Variants in SEC24A observed in about 807,000 individuals in gnomAD.
SEC24A encodes protein transport protein Sec24A.
In SEC24A, 93 loss-of-function variants were observed where a neutral mutation model predicts 129.4. The observed-to-expected ratio is 0.72, with a 90% CI of 0.61 to 0.85. The LOEUF is 0.85. Ranked by LOEUF, SEC24A falls within the 40% of genes least tolerant of loss-of-function variation. SEC24A has a pLI of 0.00. For synonymous variants in SEC24A, 460 were observed against 467.3 expected, an observed-to-expected ratio of 0.98 and a Z score of 0.20; for missense variants, 1,264 against 1,307.4, an observed-to-expected ratio of 0.97 and a Z score of 0.51.
At chr5:134,685,525 T>C (rs1246291436) in intron 9 of SEC24A, among the ~76,000 whole-genome samples, 1 of 152,192 alleles carries the variant, frequency 6.6e-6, no homozygotes, top group East Asian at 1.9e-4. Flanking sequence ...CTATTGTATG[T>C]AAGGGAATTG....
upstream of SEC24A, chr5:134,648,712 G>GCGGCTGCTGCGAGCCCGGAGC (rs1479459483): frequency 8.4e-5 from 14 of 165,968 alleles, no homozygotes; most frequent in East Asian, 2.1e-3. Flanking sequence ...CGGCGCGGCG[G>GCGGCTGCTGCGAGCCCGGAGC]CGGCTGCTGC....
chr5:134,662,504 G>A (rs1750508783), intron 2 of SEC24A, among the ~76,000 whole-genome samples: 5 of 152,152 alleles, frequency 3.3e-5, no homozygotes, highest in Non-Finnish European at 2.9e-5. Flanking sequence ...CTTCTCAGCA[G>A]ACAGCCTCAA....
chr5:134,700,223 C>CT (rs1751964323), intron 15 of SEC24A, among the ~76,000 whole-genome samples: 2 of 151,694 alleles, frequency 1.3e-5, no homozygotes, highest in Admixed American at 1.3e-4. Context: ...TCTTCTCTCT[C>CT]TTTTTTCTTT....
intron 15 of SEC24A, among the ~76,000 whole-genome samples, chr5:134,703,507 A>T (rs1310075631): frequency 1.3e-5 from 2 of 152,124 alleles, no homozygotes; most frequent in African/African-American, 4.8e-5. Flanking sequence ...ACCTCAGGCG[A>T]TCCACCCACC....
intron 11 of SEC24A, among the ~76,000 whole-genome samples, chr5:134,691,228 G>C (rs1488399172): frequency 6.7e-6 from 1 of 148,846 alleles, no homozygotes; most frequent in Non-Finnish European, 1.5e-5. Context: ...GGAGTGCAGT[G>C]GCGCGATCTT....
intron 15 of SEC24A, among the ~76,000 whole-genome samples, chr5:134,699,949 C>G (rs767690265): frequency 7.9e-5 from 12 of 151,956 alleles, no homozygotes; most frequent in African/African-American, 2.9e-4. Context: ...GATCCGCCTA[C>G]CTTGGCCTCC....
At position 134,726,495 on chromosome 5, in the gene SEC24A, G is replaced by A. The variant is rs1752760582; in HGVS notation, c.*1401G>A. Reference sequence around the variant, plus strand: ...GTAACTTCCAGGTTTATATCAATATGAGCTGACTTTAACTGAGTTGTTTGG... The same window carrying A: ...GTAACTTCCAGGTTTATATCAATATAAGCTGACTTTAACTGAGTTGTTTGG... On this transcript the variant is annotated 3_prime_UTR_variant, in exon 23 of 23. Coordinates refer to ENST00000398844, the MANE Select transcript of SEC24A (RefSeq NM_021982.3). The A allele has an allele frequency of 6.6e-6, 1 of 152,526 alleles. No homozygotes were observed. The allele number at this position is 152,526 out of a possible 1,614,324, so 9.4% of individuals were successfully genotyped here. A position where few individuals can be genotyped will look rare whatever the true frequency, so the allele number is the denominator to read the frequency against.
intron 9 of SEC24A, 62 bp downstream of exon 9, chr5:134,682,544 A>T (rs980308123): frequency 1.2e-6 from 1 of 811,988 alleles, no homozygotes; most frequent in Non-Finnish European, 2.1e-6. Flanking sequence ...AAGTAAAACA[A>T]TACAGCATCC....
At chr5:134,656,146 G>A (rs1202143254) in intron 1 of SEC24A, among the ~76,000 whole-genome samples, 1 of 148,798 alleles carries the variant, frequency 6.7e-6, no homozygotes, top group Non-Finnish European at 1.5e-5. Flanking sequence ...GAGGTGGCAC[G>A]ATCTTGGCTC....
intron 3 of SEC24A, among the ~76,000 whole-genome samples, chr5:134,671,261 C>T (rs1750848764): frequency 6.6e-6 from 1 of 152,084 alleles, no homozygotes; most frequent in Non-Finnish European, 1.5e-5. Flanking sequence ...GGGGTTTCCC[C>T]ATGTTGGCCA....
At chr5:134,688,815 G>A (rs1751537870) in intron 11 of SEC24A, among the ~76,000 whole-genome samples, 1 of 152,076 alleles carries the variant, frequency 6.6e-6, no homozygotes, top group Non-Finnish European at 1.5e-5. Flanking sequence ...GAGTAGCTGG[G>A]ACAACAGGCA....
At chr5:134,689,985 G>A (rs527690228) in intron 11 of SEC24A, among the ~76,000 whole-genome samples, 2 of 152,038 alleles carry the variant, frequency 1.3e-5, no homozygotes, top group African/African-American at 2.4e-5. Context: ...CAGGGGCTGG[G>A]GGGGGAGGGC....
chr5:134,699,301 C>CTTTTTTTTTTTTTTTTTTTTTTTTTT (rs1208203003), intron 15 of SEC24A, among the ~76,000 whole-genome samples: 11 of 138,416 alleles, frequency 7.9e-5, no homozygotes, highest in African/African-American at 3.0e-4. Context: ...CCATTTTATC[C>CTTTTTTTTTTTTTTTTTTTTTTTTTT]TTTTTTTTTT....
At chr5:134,664,990 G>C (rs1750608400) in intron 2 of SEC24A, among the ~76,000 whole-genome samples, 1 of 150,576 alleles carries the variant, frequency 6.6e-6, no homozygotes, top group Non-Finnish European at 1.5e-5. Flanking sequence ...AGTAGAAACG[G>C]GGTTTCACCA....
At chr5:134,663,576 GGGAGTCCAAGGCA>G (rs1750549883) in intron 2 of SEC24A, among the ~76,000 whole-genome samples, 1 of 152,188 alleles carries the variant, frequency 6.6e-6, no homozygotes, top group African/African-American at 2.4e-5. Flanking sequence ...CTAGCACTTT[GGGAGTCCAAGGCA>G]GGAGGATCCA....
intron 3 of SEC24A, among the ~76,000 whole-genome samples, chr5:134,669,667 C>T (rs552867137): frequency 2.7e-5 from 4 of 150,234 alleles, no homozygotes; most frequent in East Asian, 2.0e-4. Flanking sequence ...TTAGTAGAGA[C>T]GAGGTTTCAC....
intron 18 of SEC24A, among the ~76,000 whole-genome samples, chr5:134,714,588 C>T (rs184477753): frequency 6.6e-5 from 10 of 152,316 alleles, no homozygotes; most frequent in African/African-American, 9.6e-5. Context: ...TTATCTTCTG[C>T]GAAACCAGTC....
intron 16 of SEC24A, among the ~76,000 whole-genome samples, chr5:134,705,078 A>T (rs1231121231): frequency 1.5e-5 from 2 of 129,996 alleles, no homozygotes; most frequent in Admixed American, 1.6e-4. Flanking sequence ...ATTTATATAT[A>T]TATATATATA....
intron 15 of SEC24A, among the ~76,000 whole-genome samples, chr5:134,699,545 C>T (rs375662541): frequency 4.6e-5 from 7 of 151,220 alleles, no homozygotes; most frequent in African/African-American, 1.7e-4. Context: ...GTGATCCGTC[C>T]GCCTCGGCCT....
Sources: allele counts gnomAD v4.1 joint callset (sites outside exome capture counted in the v4.1 genomes callset), GRCh38; gene constraint gnomAD v4.1.1; transcripts MANE v1.5; gene names NCBI Gene and HGNC (gene_info 2026-07-23, HGNC 2026-07-21).